The following PTPRT variants were observed in gnomAD, a reference collection of about 807,000 sequenced individuals.
PTPRT encodes receptor-type tyrosine-protein phosphatase T.
PTPRT carries 56 observed loss-of-function variants against 176.8 expected under a neutral mutation model. That is an observed-to-expected ratio of 0.32 (90% CI 0.26 to 0.40). The LOEUF (loss-of-function observed/expected upper bound fraction) is 0.40. Among genes scored for constraint, PTPRT ranks in the 10% least tolerant of loss-of-function variants. The pLI, the probability that PTPRT is intolerant of heterozygous loss-of-function variation, is 1.00. For synonymous variants in PTPRT, 783 were observed against 739.0 expected (o/e 1.06, Z -0.96); for missense variants, 1,540 against 1,908.2 (o/e 0.81, Z 3.60).
intron 1 of PTPRT, among the ~76,000 whole-genome samples, chr20:43,091,972 A>C (rs1205917948): frequency 6.6e-6 from 1 of 152,228 alleles, no homozygotes; most frequent in East Asian, 1.9e-4. Context: ...CAACTGATGG[A>C]GTGATCAAGA....
rs923870614 is a variant in PTPRT, at chr20:42,363,232, C to A, written c.1561-10947G>T. Among the ~76,000 whole-genome samples the A allele has an allele frequency of 1.2e-3, 164 of 140,084 alleles. 2 individuals are homozygous for A. The highest frequency in any genetic ancestry group is 4.2e-3 in the African/African-American group (160 of 37,954). 91.9% of individuals were successfully genotyped at this position (140,084 alleles called of 152,430 possible). The stretch of plus-strand genomic sequence containing the variant: ...CACAAGTTAGAAGCCAAAGGCACAC[C>A]CCTCCACCCCTCACATTCTTGCAGC... On this transcript the variant is annotated intron_variant, in intron 9 of 30. Coordinates refer to ENST00000373187, the MANE Select transcript of PTPRT (RefSeq NM_007050.6).
At chr20:42,591,647 G>A (rs543938446) in intron 7 of PTPRT, among the ~76,000 whole-genome samples, 4 of 152,106 alleles carry the variant, frequency 2.6e-5, no homozygotes, top group South Asian at 2.1e-4. Flanking sequence ...ATACATTGAC[G>A]CAGTGATCAA....
At chr20:42,572,579 C>T (rs1019342791) in intron 7 of PTPRT, among the ~76,000 whole-genome samples, 2 of 152,194 alleles carry the variant, frequency 1.3e-5, no homozygotes, top group Admixed American at 6.5e-5. Flanking sequence ...ATAAAATGCA[C>T]CTTTCTCAGG....
chr20:42,620,548 C>T (rs141914552), intron 7 of PTPRT, among the ~76,000 whole-genome samples: 2 of 147,712 alleles, frequency 1.4e-5, no homozygotes, highest in Non-Finnish European at 1.5e-5. Context: ...GCCTCGTTGT[C>T]GCCTTGCAGT....
rs111710925 is a variant in PTPRT, at chr20:43,095,385, G to A, written c.88+94261C>T. ...AAAGAGTGTGGAGGTTAAGTGACTC[G>A]TCAGAGTTAGTGGCCAGATGGGGTT... On this transcript the variant is annotated intron_variant, in intron 1 of 30. Coordinates refer to ENST00000373187, the MANE Select transcript of PTPRT (RefSeq NM_007050.6). Among the ~76,000 whole-genome samples, 1,256 of 152,046 alleles carry A rather than the reference G, an allele frequency of 8.3e-3. 14 individuals are homozygous for A. Among genetic ancestry groups the A allele is most frequent in the African/African-American group, 0.029 (1,192 of 41,434 alleles).
At chr20:42,495,861 T>C (rs912948646) in intron 7 of PTPRT, among the ~76,000 whole-genome samples, 3 of 152,130 alleles carry the variant, frequency 2.0e-5, no homozygotes, top group South Asian at 2.1e-4. Context: ...TTGACCCTTG[T>C]ATATAATGCA....
intron 26 of PTPRT, among the ~76,000 whole-genome samples, chr20:42,100,484 C>T (rs1180685014): frequency 6.6e-6 from 1 of 152,220 alleles, no homozygotes; most frequent in Admixed American, 6.5e-5. Context: ...CCAGTGATGG[C>T]TCACAGGAGA....
intron 14 of PTPRT, among the ~76,000 whole-genome samples, chr20:42,237,548 A>G (rs1383994659): frequency 6.6e-6 from 1 of 152,156 alleles, no homozygotes; most frequent in East Asian, 1.9e-4. Flanking sequence ...TTATATATTG[A>G]AGTTTTATCT....
At chr20:42,276,496 A>AATATAC (rs2057032092) in intron 13 of PTPRT, among the ~76,000 whole-genome samples, 2 of 44,202 alleles carry the variant, frequency 4.5e-5, no homozygotes, top group Admixed American at 3.1e-4. Flanking sequence ...GAAAGAAGGA[A>AATATAC]ATATATATAT....
At chr20:42,650,689 C>G (rs909908866) in intron 7 of PTPRT, among the ~76,000 whole-genome samples, 2 of 152,146 alleles carry the variant, frequency 1.3e-5, no homozygotes, top group African/African-American at 4.8e-5. Flanking sequence ...GACAATAAAG[C>G]AGAGGTCATC....
chr20:42,095,564 A>G (rs1295620012), intron 27 of PTPRT, among the ~76,000 whole-genome samples: 1 of 152,168 alleles, frequency 6.6e-6, no homozygotes, highest in Non-Finnish European at 1.5e-5. Context: ...CCACCTTGAC[A>G]ATCCTATTGC....
downstream of PTPRT, among the ~76,000 whole-genome samples, chr20:42,070,813 T>G (rs1032013436): frequency 3.3e-5 from 5 of 152,194 alleles, no homozygotes; most frequent in Non-Finnish European, 7.3e-5. Context: ...TGTGCTACTT[T>G]TATCATAACA....
intron 6 of PTPRT, among the ~76,000 whole-genome samples, chr20:42,726,157 G>A (rs1427196012): frequency 6.6e-6 from 1 of 151,478 alleles, no homozygotes; most frequent in African/African-American, 2.4e-5. Context: ...TTGGCTCACT[G>A]CAACCTCTGC....
intron 14 of PTPRT, among the ~76,000 whole-genome samples, chr20:42,243,463 G>A (rs186079522): frequency 4.3e-4 from 65 of 152,314 alleles, no homozygotes; most frequent in Middle Eastern, 3.4e-3. Context: ...TGGTGGAAAG[G>A]CTTTGCTGAG....
chr20:43,119,223 G>T (rs1225773576), intron 1 of PTPRT, among the ~76,000 whole-genome samples: 1 of 152,126 alleles, frequency 6.6e-6, no homozygotes, highest in African/African-American at 2.4e-5. Context: ...TGTATAAAAA[G>T]CTCTGGAAGA....
intron 12 of PTPRT, among the ~76,000 whole-genome samples, chr20:42,294,329 T>A (rs993513369): frequency 6.6e-6 from 1 of 151,888 alleles, no homozygotes; most frequent in Non-Finnish European, 1.5e-5. Flanking sequence ...GTTCAACAGG[T>A]GAAATAGGTT....
intron 2 of PTPRT, among the ~76,000 whole-genome samples, chr20:42,851,501 A>T (rs1016905100): frequency 7.9e-5 from 12 of 152,168 alleles, no homozygotes; most frequent in African/African-American, 2.9e-4. Flanking sequence ...TACCTGGGGT[A>T]TTCCTTTTAC....
chr20:43,001,027 A>G (rs1354099563), intron 1 of PTPRT, among the ~76,000 whole-genome samples: 1 of 152,222 alleles, frequency 6.6e-6, no homozygotes, highest in Non-Finnish European at 1.5e-5. Flanking sequence ...GAAATCATCC[A>G]TGAAGATCTG....
chr20:42,558,569 G>A (rs1422927681), intron 7 of PTPRT, among the ~76,000 whole-genome samples: 1 of 152,142 alleles, frequency 6.6e-6, no homozygotes, highest in East Asian at 1.9e-4. Flanking sequence ...TACTGTTGGT[G>A]GGAGTGTGTA....
Sources: allele counts gnomAD v4.1 joint callset (sites outside exome capture counted in the v4.1 genomes callset), GRCh38; gene constraint gnomAD v4.1.1; transcripts MANE v1.5; gene names NCBI Gene and HGNC (gene_info 2026-07-23, HGNC 2026-07-21).